The following HS6ST3 variants were observed in gnomAD, a reference collection of about 807,000 sequenced individuals.
HS6ST3 encodes the protein heparan sulfate 6-O-sulfotransferase 3.
HS6ST3 carries 12 observed loss-of-function variants against 36.7 expected under a neutral mutation model. The ratio of observed to expected loss-of-function variants is 0.33; its 90% CI spans 0.21 to 0.53. The LOEUF is 0.53. Among genes scored for constraint, HS6ST3 ranks in the 20% least tolerant of loss-of-function variants. HS6ST3 has a pLI of 0.95. For missense variants in HS6ST3, 584 were observed against 640.9 expected (o/e 0.91, Z 0.96); for synonymous variants, 240 against 257.5 (o/e 0.93, Z 0.65).
At chr13:96,665,039 G>A (rs888510200) in intron 1 of HS6ST3, among the ~76,000 whole-genome samples, 2 of 152,132 alleles carry the variant, frequency 1.3e-5, no homozygotes, top group African/African-American at 4.8e-5. Context: ...GGGCATGGTG[G>A]TGTATGCCTA....
intron 1 of HS6ST3, among the ~76,000 whole-genome samples, chr13:96,309,887 C>T (rs1022725423): frequency 9.9e-5 from 15 of 151,930 alleles, no homozygotes; most frequent in Non-Finnish European, 1.8e-4. Flanking sequence ...TAGAGAAAAT[C>T]AATAGCTAAT....
intron 1 of HS6ST3, among the ~76,000 whole-genome samples, chr13:96,679,090 C>T (rs1041454372): frequency 2.7e-5 from 4 of 149,144 alleles, no homozygotes; most frequent in Non-Finnish European, 5.9e-5. Flanking sequence ...TGCCTGGGCT[C>T]TGTTCACTGC....
chr13:96,517,105 G>T (rs777833877), intron 1 of HS6ST3, among the ~76,000 whole-genome samples: 7 of 152,084 alleles, frequency 4.6e-5, no homozygotes, highest in Non-Finnish European at 7.4e-5. Context: ...CAGGCCAGGC[G>T]CAGTGGCTCA....
intron 1 of HS6ST3, among the ~76,000 whole-genome samples, chr13:96,291,286 A>G (rs1021903153): frequency 1.3e-5 from 2 of 152,202 alleles, no homozygotes; most frequent in East Asian, 1.9e-4. Flanking sequence ...AAATGAGTAA[A>G]TGACCAATGA....
chr13:96,651,711 A>G (rs2056608265), intron 1 of HS6ST3, among the ~76,000 whole-genome samples: 2 of 152,062 alleles, frequency 1.3e-5, no homozygotes, highest in Non-Finnish European at 2.9e-5. Context: ...CTCAGCATCT[A>G]GTTGTATCTA....
chr13:96,586,320 A>T (rs1242140770), intron 1 of HS6ST3, among the ~76,000 whole-genome samples: 1 of 151,570 alleles, frequency 6.6e-6, no homozygotes, highest in Non-Finnish European at 1.5e-5. Flanking sequence ...TTTTAAGATG[A>T]TGTCTAGCTC....
At chr13:96,604,050 A>T (rs1484015401) in intron 1 of HS6ST3, among the ~76,000 whole-genome samples, 1 of 152,236 alleles carries the variant, frequency 6.6e-6, no homozygotes, top group Non-Finnish European at 1.5e-5. Context: ...AGGTCACATG[A>T]ATGCTTGCTT....
chr13:96,661,179 C>T (rs2056645088), intron 1 of HS6ST3, among the ~76,000 whole-genome samples: 1 of 152,080 alleles, frequency 6.6e-6, no homozygotes, highest in African/African-American at 2.4e-5. Context: ...TGCAGATGGC[C>T]TATCATGGGA....
At chr13:96,712,604 C>T (rs912578494) in intron 1 of HS6ST3, among the ~76,000 whole-genome samples, 8 of 152,238 alleles carry the variant, frequency 5.3e-5, no homozygotes, top group Non-Finnish European at 8.8e-5. Context: ...AGCAGTTTCT[C>T]CTGGGCAAGA....
intron 1 of HS6ST3, among the ~76,000 whole-genome samples, chr13:96,519,246 C>A (rs1394350866): frequency 6.6e-6 from 1 of 152,192 alleles, no homozygotes; most frequent in Non-Finnish European, 1.5e-5. Context: ...GGTCTCAGTT[C>A]TGATTGACTC....
At chr13:96,831,980 A>AAAAAAAAAAAAAAAAAAAC (rs1339637754) in intron 1 of HS6ST3, among the ~76,000 whole-genome samples, 2 of 141,906 alleles carry the variant, frequency 1.4e-5, no homozygotes, top group African/African-American at 5.2e-5. Context: ...AAAAAAAAAA[A>AAAAAAAAAAAAAAAAAAAC]CAGAGATTAA....
At chr13:96,653,148 A>G (rs1338855013) in intron 1 of HS6ST3, among the ~76,000 whole-genome samples, 2 of 152,056 alleles carry the variant, frequency 1.3e-5, no homozygotes, top group African/African-American at 4.8e-5. Flanking sequence ...ACCAAGAGTG[A>G]CTTTCTGAGG....
intron 1 of HS6ST3, among the ~76,000 whole-genome samples, chr13:96,389,789 G>A (rs577032176): frequency 6.6e-6 from 1 of 152,228 alleles, no homozygotes; most frequent in East Asian, 1.9e-4. Flanking sequence ...ATAGCTGAAG[G>A]GATCTCCCTA....
chr13:96,553,013 G>T (rs550281156), intron 1 of HS6ST3, among the ~76,000 whole-genome samples: 1 of 152,052 alleles, frequency 6.6e-6, no homozygotes, highest in Admixed American at 6.6e-5. Context: ...GTGAGGTAGG[G>T]GCAAAGAAAG....
At chr13:96,294,326 C>T (rs1386802105) in intron 1 of HS6ST3, among the ~76,000 whole-genome samples, 1 of 152,114 alleles carries the variant, frequency 6.6e-6, no homozygotes, top group Non-Finnish European at 1.5e-5. Flanking sequence ...GGCAGTAAGT[C>T]TATACACTTA....
At chr13:96,774,186 CA>C (rs1257755792) in intron 1 of HS6ST3, among the ~76,000 whole-genome samples, 1 of 152,162 alleles carries the variant, frequency 6.6e-6, no homozygotes, top group Non-Finnish European at 1.5e-5. Flanking sequence ...TCACCAACAT[CA>C]AAGACCAAAG....
chr13:96,672,339 C>G (rs2138431921), intron 1 of HS6ST3, among the ~76,000 whole-genome samples: 1 of 152,276 alleles, frequency 6.6e-6, no homozygotes, highest in East Asian at 1.9e-4. Context: ...TACTTTGTTA[C>G]TTTGCTTAAT....
chr13:96,772,057 G>C (rs1275576872), intron 1 of HS6ST3, among the ~76,000 whole-genome samples: 1 of 152,144 alleles, frequency 6.6e-6, no homozygotes, highest in Non-Finnish European at 1.5e-5. Context: ...GGATAGCAAA[G>C]GAAGCTATCT....
chr13:96,289,871 T>C (rs774961797), intron 1 of HS6ST3, among the ~76,000 whole-genome samples: 17 of 151,790 alleles, frequency 1.1e-4, no homozygotes, highest in Admixed American at 5.3e-4. Context: ...GGTTAGCGAG[T>C]GTGAGGATTA....
Sources: gnomAD v4.1 joint callset for allele counts (sites outside exome capture counted in the v4.1 genomes callset) on GRCh38, gnomAD v4.1.1 for gene constraint, MANE v1.5 for transcripts, NCBI Gene and HGNC (gene_info 2026-07-23, HGNC 2026-07-21) for gene names.